CSE1L: variants seen among roughly 807,000 people sequenced by gnomAD.
CSE1L encodes exportin-2.
In CSE1L, 24 loss-of-function variants were observed where a neutral mutation model predicts 120.4. That is an observed-to-expected ratio of 0.20 (90% CI 0.14 to 0.28). The LOEUF is 0.28. Ranked by LOEUF, CSE1L falls within the 10% of genes least tolerant of loss-of-function variation. The pLI is 1.00. For synonymous variants in CSE1L, 402 were observed against 398.3 expected, an observed-to-expected ratio of 1.01 and a Z score of -0.11; for missense variants, 830 against 1,145.2, an observed-to-expected ratio of 0.72 and a Z score of 3.97.
At chr20:49,077,411 C>T (rs896950066) in intron 13 of CSE1L, among the ~76,000 whole-genome samples, 4 of 152,088 alleles carry the variant, frequency 2.6e-5, no homozygotes, top group Non-Finnish European at 5.9e-5. Flanking sequence ...CCACCTGCGT[C>T]GGCCTGCCAA....
chr20:49,088,757 G>C (rs925295220), intron 17 of CSE1L, among the ~76,000 whole-genome samples: 3 of 152,080 alleles, frequency 2.0e-5, no homozygotes, highest in Non-Finnish European at 1.5e-5. Flanking sequence ...AGCGGGGAGG[G>C]AACCCAAGTC....
intron 2 of CSE1L, among the ~76,000 whole-genome samples, chr20:49,060,905 T>TA (rs1277727931): frequency 6.6e-6 from 1 of 152,210 alleles, no homozygotes; most frequent in Non-Finnish European, 1.5e-5. Context: ...CTTCAAAACT[T>TA]ACCAATGTGC....
chr20:49,066,374 G>A lies in CSE1L; in HGVS notation c.340G>A (p.Ala114Thr). Residue 114 changes from alanine (A) to threonine (T), a missense_variant, in exon 5 of 25, where the codon GCA (alanine) becomes ACA (threonine). Coordinates refer to ENST00000262982, the MANE Select transcript of CSE1L (RefSeq NM_001316.4). ...TCTTTTCCTCTCCTAGTTAAGTGAT[G>A]CAATTAGCATTATTGGCAGAGAAGA... ...PEQIQKQLSD[A>T]ISIIGREDFP... 1.2e-6 allele frequency: 2 copies of A among 1,614,162 alleles called. No homozygotes were observed. The highest frequency in any genetic ancestry group is 1.7e-6 in the Non-Finnish European group (2 of 1,180,030).
intron 22 of CSE1L, among the ~76,000 whole-genome samples, chr20:49,092,501 A>G (rs558011832): frequency 1.3e-5 from 2 of 151,820 alleles, no homozygotes; most frequent in South Asian, 2.1e-4. Flanking sequence ...CCAGTGTTCT[A>G]TATTATGTTA....
rs769403347 is a variant in CSE1L, at chr20:49,084,052, G to T, written c.1509G>T (p.Ser503=). The change falls in exon 15 of 25, where the codon TCG becomes TCT. Residue 503 remains serine (S), a synonymous_variant. Coordinates refer to ENST00000262982, the MANE Select transcript of CSE1L (RefSeq NM_001316.4). ...NQVPKEHLLV[S]IPLLINHLQA... ...TGCCAAAAGAACATCTTTTAGTCTC[G>T]ATTCCTCTCTTGATTAATCATCTTC... The T allele has an allele frequency of 6.2e-6, 10 of 1,613,314 alleles. No individual in the cohort carries two copies. The highest frequency in any genetic ancestry group is 5.0e-5 in the Admixed American group (3 of 59,950).
At position 49,070,084 on chromosome 20, in the gene CSE1L, A is replaced by C. The variant is rs996134577; in HGVS notation, c.676-121A>C. ...TGGAGCAGAGAATTCTTGTCAGAAT[A>C]GGTAATGCTCAGGCTGTGAAGCCTG... is the stretch of plus-strand genomic sequence containing the variant. On this transcript the variant is annotated intron_variant, in intron 7 of 24. Coordinates refer to ENST00000262982, the MANE Select transcript of CSE1L (RefSeq NM_001316.4). 8 of 539,588 alleles carry C rather than the reference A, an allele frequency of 1.5e-5. No individual in the cohort carries two copies. In the African/African-American group the frequency reaches 1.6e-4, roughly 11 times the overall value. 33.4% of individuals were successfully genotyped at this position (539,588 alleles called of 1,614,324 possible).
chr20:49,085,307 G>A lies in CSE1L; in HGVS notation c.1644G>A (p.Pro548=), dbSNP rs112036311. The change falls in exon 16 of 25, where the codon CCG becomes CCA. Residue 548 remains proline (P), a synonymous_variant. Transcript: ENST00000262982. ...ATLFTAAEIA[P]FVEILLTNLF... ...GCTTTACAGCTGCAGAAATCGCACC[G>A]TTTGTTGAGATTCTGCTAACAAACC... is the stretch of plus-strand genomic sequence containing the variant. 206 of 1,613,808 alleles carry A rather than the reference G, an allele frequency of 1.3e-4. 1 individual carries two copies. In the African/African-American group the frequency reaches 2.5e-3, roughly 19 times the overall value.
At chr20:49,051,379 T>G (rs1446965437) in intron 1 of CSE1L, among the ~76,000 whole-genome samples, 4 of 129,556 alleles carry the variant, frequency 3.1e-5, no homozygotes, top group Non-Finnish European at 6.6e-5. Flanking sequence ...ACCGCATCTT[T>G]ACTGTATATA....
chr20:49,087,829 G>A (rs569234326), intron 16 of CSE1L, among the ~76,000 whole-genome samples, 180 bp from the exon 17 acceptor site: 18 of 151,950 alleles, frequency 1.2e-4, no homozygotes, highest in Admixed American at 2.6e-4. Flanking sequence ...TTGCCAACCC[G>A]TCCTAATTTT....
chr20:49,061,486 ATTATTTAT>A (rs113315451), intron 2 of CSE1L, among the ~76,000 whole-genome samples: 30 of 132,950 alleles, frequency 2.3e-4, no homozygotes, highest in South Asian at 5.1e-4. Context: ...AATTATTATT[ATTATTTAT>A]TTATTTATTT....
chr20:49,054,921 A>T lies in CSE1L; in HGVS notation c.-11-3532A>T, dbSNP rs181719965. ...TCCTACTTTGCCTATTCAGATACAC[A>T]TATTTTTCAAGGTTCAGCTCAAGGC... On this transcript the variant is annotated intron_variant, in intron 1 of 24. Transcript: ENST00000262982. 1.6e-3 allele frequency among the ~76,000 whole-genome samples: 247 copies of T among 152,296 alleles called. 1 individual carries two copies. Among genetic ancestry groups the T allele is most frequent in the African/African-American group, 5.2e-3 (216 of 41,560 alleles).
At chr20:49,061,167 A>T (rs964538311) in intron 2 of CSE1L, among the ~76,000 whole-genome samples, 94 of 116,314 alleles carry the variant, frequency 8.1e-4, no homozygotes, top group Non-Finnish European at 1.2e-3. Flanking sequence ...ACTATTAAAA[A>T]TTTTTTTTTT....
intron 13 of CSE1L, among the ~76,000 whole-genome samples, chr20:49,077,881 G>A (rs1224835457): frequency 6.6e-6 from 1 of 152,066 alleles, no homozygotes; most frequent in Non-Finnish European, 1.5e-5. Context: ...GCGTGTGCCT[G>A]TAATCCCAGC....
intron 7 of CSE1L, among the ~76,000 whole-genome samples, chr20:49,069,978 A>G (rs2091920188): frequency 6.6e-6 from 1 of 152,210 alleles, no homozygotes; most frequent in Admixed American, 6.5e-5. Flanking sequence ...TTAGATTAGG[A>G]TGAGAACTAG....
rs2091974112 is a variant in CSE1L at position 49,077,062 on chromosome 20, A to G, written c.1418A>G (p.Asn473Ser). Residue 473 changes from asparagine (N) to serine (S), a missense_variant and splice_region_variant, in exon 13 of 25, where the codon AAT (asparagine) becomes AGT (serine). Asn to Ser is a conservative substitution (Grantham distance 46). Around this residue, in one of 4 missense-constraint regions of CSE1L, gnomAD observed 543 missense variants for 640.2 expected, o/e 0.85. Coordinates refer to ENST00000262982, the MANE Select transcript of CSE1L (RefSeq NM_001316.4). The part of the protein sequence containing the change: ...NHILPDLKSA[N>S]VNEFPVLKAD... ...ATCCTCCCTGATTTAAAATCAGCTA[A>G]TGGTGAGTTGTGAAATTCTTGCTTT... 1 of 1,599,900 alleles carries G rather than the reference A, an allele frequency of 6.3e-7. No individual in the cohort carries two copies. The highest frequency in any genetic ancestry group is 8.5e-7 in the Non-Finnish European group (1 of 1,172,832).
intron 8 of CSE1L, among the ~76,000 whole-genome samples, chr20:49,071,954 GGAGACTGC>G (rs2091934975): frequency 7.1e-6 from 1 of 140,194 alleles, no homozygotes; most frequent in Admixed American, 7.1e-5. Flanking sequence ...GGCAACAGAG[GGAGACTGC>G]GTCTCAAAAA....
chr20:49,058,656 G>T, intron 2 of CSE1L, 108 bp downstream of exon 2: 2 of 791,700 alleles, frequency 2.5e-6, no homozygotes. Flanking sequence ...TTCATACTTG[G>T]GTTCTCAAGC....
chr20:49,063,691 C>G (rs1184811613), intron 3 of CSE1L, among the ~76,000 whole-genome samples: 1 of 152,156 alleles, frequency 6.6e-6, no homozygotes, highest in African/African-American at 2.4e-5. Flanking sequence ...GAGACTTGGT[C>G]TTAATCTCCA....
chr20:49,077,269 C>T (rs1288621781), intron 13 of CSE1L, among the ~76,000 whole-genome samples: 1 of 150,644 alleles, frequency 6.6e-6, no homozygotes, highest in East Asian at 2.0e-4. Context: ...AAGCGATTCT[C>T]CTGCCTCAGC....
Sources: gnomAD v4.1 joint callset for allele counts (sites outside exome capture counted in the v4.1 genomes callset) on GRCh38, gnomAD v4.1.1 for gene constraint, gnomAD v4.1.1 regional missense constraint, MANE v1.5 for transcripts, NCBI Gene and HGNC (gene_info 2026-07-23, HGNC 2026-07-21) for gene names.